Variants in DLGAP1 observed in about 807,000 individuals in gnomAD.
DLGAP1 encodes disks large-associated protein 1.
Under a neutral mutation model 90.8 loss-of-function variants are expected in DLGAP1, and 11 were observed. The observed-to-expected ratio is 0.12, with a 90% confidence interval of 0.08 to 0.20. The LOEUF (loss-of-function observed/expected upper bound fraction) is 0.20. Ranked by LOEUF, DLGAP1 falls within the 10% of genes least tolerant of loss-of-function variation. The pLI is 1.00. For missense variants in DLGAP1, 1,050 were observed against 1,333.8 expected (o/e 0.79, Z 3.31); for synonymous variants, 558 against 540.7 (o/e 1.03, Z -0.44).
chr18:4,052,385 CACT>C (rs1267945858), intron 2 of DLGAP1, among the ~76,000 whole-genome samples: 1 of 152,170 alleles, frequency 6.6e-6, no homozygotes, highest in Non-Finnish European at 1.5e-5. Flanking sequence ...ACAGGACCAA[CACT>C]ATGTGGATGT....
At position 3,635,615 on chromosome 18, in the gene DLGAP1, C is replaced by T. The variant is rs545934148; in HGVS notation, c.1592-53367G>A. On this transcript the variant is annotated intron_variant, in intron 7 of 12. Coordinates refer to ENST00000315677, the MANE Select transcript of DLGAP1 (RefSeq NM_004746.4). ...AATGAGAATACTCACCAGCAGATGGCCACCATCTCTGTCTTGCAGTCAGTT... is the reference window on the plus strand; with the variant it reads ...AATGAGAATACTCACCAGCAGATGGTCACCATCTCTGTCTTGCAGTCAGTT... Among the ~76,000 whole-genome samples, 13 of 151,606 alleles carry T rather than the reference C, an allele frequency of 8.6e-5. No individual in the cohort carries two copies. In the South Asian group the frequency reaches 2.5e-3, roughly 29 times the overall value.
intron 7 of DLGAP1, among the ~76,000 whole-genome samples, chr18:3,724,829 C>T (rs1271583283): frequency 2.6e-5 from 4 of 151,476 alleles, no homozygotes; most frequent in Non-Finnish European, 4.4e-5. Context: ...GATCGCAGTC[C>T]AGGAGCTGGA....
intron 3 of DLGAP1, among the ~76,000 whole-genome samples, chr18:3,984,548 T>TCA (rs2073803664): frequency 6.6e-6 from 1 of 152,180 alleles, no homozygotes; most frequent in East Asian, 1.9e-4. Context: ...CCTCTCACAT[T>TCA]CACCCTGTCA....
chr18:3,734,726 T>C (rs1347346552), intron 6 of DLGAP1, among the ~76,000 whole-genome samples: 1 of 152,198 alleles, frequency 6.6e-6, no homozygotes, highest in East Asian at 1.9e-4. Flanking sequence ...TTTTCTCTGA[T>C]TATTTTTATT....
chr18:3,891,690 A>G lies in DLGAP1; in HGVS notation c.-72-11550T>C, dbSNP rs528451628. On this transcript the variant is annotated intron_variant, in intron 3 of 12. Coordinates refer to ENST00000315677, the MANE Select transcript of DLGAP1 (RefSeq NM_004746.4). ...TCTCATTTTAATCTCAAACAACCCA[A>G]TATGGTACGGACTAGTCTCTGGATA... is the stretch of plus-strand genomic sequence containing the variant. 3.3e-5 allele frequency among the ~76,000 whole-genome samples: 5 copies of G among 152,344 alleles called. No homozygotes were observed. The South Asian group carries it at 1.0e-3, about 32-fold the overall frequency.
intron 5 of DLGAP1, among the ~76,000 whole-genome samples, chr18:3,768,179 A>G (rs184863166): frequency 1.3e-5 from 2 of 152,290 alleles, no homozygotes; most frequent in Admixed American, 6.5e-5. Context: ...GGACGCAGAA[A>G]TTAAAAATCC....
chr18:4,232,608 C>T (rs1459549624), intron 1 of DLGAP1, among the ~76,000 whole-genome samples: 3 of 152,144 alleles, frequency 2.0e-5, no homozygotes, highest in Non-Finnish European at 2.9e-5. Context: ...CTAAAATTTA[C>T]TATCAACTTT....
At chr18:4,282,904 GT>G (rs1286287053) in intron 1 of DLGAP1, among the ~76,000 whole-genome samples, 2 of 152,118 alleles carry the variant, frequency 1.3e-5, no homozygotes, top group African/African-American at 4.8e-5. Flanking sequence ...TGTCTGGACT[GT>G]TTTGTCTCAG....
At chr18:3,639,186 T>A (rs1339831333) in intron 7 of DLGAP1, among the ~76,000 whole-genome samples, 1 of 151,994 alleles carries the variant, frequency 6.6e-6, no homozygotes, top group Non-Finnish European at 1.5e-5. Flanking sequence ...TGAAACCCCG[T>A]CTGTACTAAA....
intron 7 of DLGAP1, among the ~76,000 whole-genome samples, chr18:3,719,704 T>G (rs1379257858): frequency 6.6e-6 from 1 of 152,102 alleles, no homozygotes; most frequent in Non-Finnish European, 1.5e-5. Flanking sequence ...CTTTGTAATT[T>G]CCTATAAATC....
intron 2 of DLGAP1, among the ~76,000 whole-genome samples, chr18:4,099,296 CATCTATCTATCT>C (rs35397168): frequency 0.085 from 12,153 of 143,688 alleles, 589 homozygotes; most frequent in South Asian, 0.1. Context: ...ATCTGTCTAT[CATCTATCTATCT>C]ATCTATCTAT....
At position 4,304,313 on chromosome 18, in the gene DLGAP1, A is replaced by G. The variant is rs184233170; in HGVS notation, c.-267+150693T>C. ...GTAAATTTTATGTTATGTATACTAA[A>G]CCAAAATAAAATAAATGGTGATCCC... On this transcript the variant is annotated intron_variant, in intron 1 of 12. Transcript: ENST00000315677. Among the ~76,000 whole-genome samples the G allele has an allele frequency of 9.5e-4, 144 of 152,340 alleles. 1 individual carries two copies. The highest frequency in any genetic ancestry group is 8.6e-3 in the Admixed American group (131 of 15,304).
At chr18:3,985,141 T>C (rs2149038409) in intron 3 of DLGAP1, among the ~76,000 whole-genome samples, 1 of 152,294 alleles carries the variant, frequency 6.6e-6, no homozygotes, top group Non-Finnish European at 1.5e-5. Flanking sequence ...CCTCCTTGAG[T>C]TCCTCTAACA....
At chr18:3,695,794 A>G (rs2061071635) in intron 7 of DLGAP1, among the ~76,000 whole-genome samples, 1 of 152,228 alleles carries the variant, frequency 6.6e-6, no homozygotes, top group Admixed American at 6.5e-5. Flanking sequence ...TACTTTGGGC[A>G]ATATGGCCAT....
chr18:4,069,808 C>T (rs1481572251), intron 2 of DLGAP1, among the ~76,000 whole-genome samples: 2 of 152,202 alleles, frequency 1.3e-5, no homozygotes, highest in Admixed American at 6.5e-5. Flanking sequence ...GACTAATACA[C>T]TGGCCAATTT....
intron 1 of DLGAP1, among the ~76,000 whole-genome samples, chr18:4,315,800 A>C (rs1445583063): frequency 7.9e-6 from 1 of 126,386 alleles, no homozygotes; most frequent in Admixed American, 8.1e-5. Context: ...GATACATCAT[A>C]GTAATTTTTT....
intron 7 of DLGAP1, among the ~76,000 whole-genome samples, chr18:3,588,469 A>AT (rs1018354080): frequency 2.0e-5 from 3 of 151,032 alleles, no homozygotes; most frequent in African/African-American, 7.3e-5. Flanking sequence ...CAAAAAAAAA[A>AT]AAAGTTATAT....
chr18:4,260,473 T>C (rs1235556910), intron 1 of DLGAP1, among the ~76,000 whole-genome samples: 2 of 152,314 alleles, frequency 1.3e-5, no homozygotes, highest in Middle Eastern at 3.4e-3. Context: ...GTTTCACTTA[T>C]GTTTGCAAAT....
At chr18:3,552,162 C>A (rs1292789423) in intron 9 of DLGAP1, among the ~76,000 whole-genome samples, 1 of 152,022 alleles carries the variant, frequency 6.6e-6, no homozygotes, top group Non-Finnish European at 1.5e-5. Flanking sequence ...TAAGAAGATT[C>A]TTTGAGGAAG....
Sources: allele counts gnomAD v4.1 joint callset (sites outside exome capture counted in the v4.1 genomes callset), GRCh38; gene constraint gnomAD v4.1.1; transcripts MANE v1.5; gene names NCBI Gene and HGNC (gene_info 2026-07-23, HGNC 2026-07-21).